Variants in TAF5L observed in about 807,000 individuals in gnomAD.
TAF5L encodes the protein TATA-box binding protein associated factor 5 like.
TAF5L carries 7 observed loss-of-function variants against 51.3 expected under a neutral mutation model. That is an observed-to-expected ratio of 0.14 (90% confidence interval 0.08 to 0.26). The LOEUF (loss-of-function observed/expected upper bound fraction) is 0.26, where lower values mean the gene tolerates loss of function less well. Among genes scored for constraint, TAF5L ranks in the 10% least tolerant of loss-of-function variants. The pLI is 1.00. For synonymous variants in TAF5L, 291 were observed against 308.1 expected, an observed-to-expected ratio of 0.94 and a Z score of 0.58; for missense variants, 575 against 758.9, an observed-to-expected ratio of 0.76 and a Z score of 2.85.
At chr1:229,607,735 T>G (rs1388804040) in intron 3 of TAF5L, 1 of 152,530 alleles carries the variant, frequency 6.6e-6, no homozygotes, top group Non-Finnish European at 1.5e-5. Context: ...GTTTTTATGC[T>G]AGGACTGCTT....
At chr1:229,604,173 A>ATTTTT (rs4006085) in intron 3 of TAF5L, among the ~76,000 whole-genome samples, 1 of 144,936 alleles carries the variant, frequency 6.9e-6, no homozygotes. Context: ...TTCTGGTAGC[A>ATTTTT]TTTTTTTTTT....
intron 4 of TAF5L, among the ~76,000 whole-genome samples, chr1:229,596,048 AG>A (rs1664112827): frequency 6.6e-6 from 1 of 152,192 alleles, no homozygotes; most frequent in South Asian, 2.1e-4. Flanking sequence ...CCAAGGCAGG[AG>A]GATCACTGGA....
intron 3 of TAF5L, among the ~76,000 whole-genome samples, chr1:229,603,540 G>A (rs959210041): frequency 1.3e-5 from 2 of 152,178 alleles, no homozygotes; most frequent in Non-Finnish European, 2.9e-5. Context: ...ACAGGCTGGC[G>A]TGTCCTGTGT....
intron 3 of TAF5L, among the ~76,000 whole-genome samples, chr1:229,604,474 G>C (rs1312515146): frequency 6.6e-6 from 1 of 152,164 alleles, no homozygotes; most frequent in Admixed American, 6.5e-5. Flanking sequence ...TGAATCAATA[G>C]GCAAGGAAGG....
At chr1:229,601,977 T>C in intron 4 of TAF5L, 1 of 1,379,540 alleles carries the variant, frequency 7.2e-7, no homozygotes, top group Non-Finnish European at 9.4e-7. Context: ...ATACTGACCA[T>C]TCATTAATAA....
exon 5 of TAF5L, chr1:229,593,896 T>G (rs1664013174): frequency 6.3e-6 from 1 of 159,480 alleles, no homozygotes; most frequent in African/African-American, 2.4e-5. Context: ...CCCTCCCACC[T>G]GAGGGCTGGA....
chr1:229,601,212 A>G (rs1262411667), intron 4 of TAF5L: 3 of 985,348 alleles, frequency 3.0e-6, no homozygotes, highest in African/African-American at 1.7e-5. Context: ...AAACAGGAAC[A>G]GGAAAACAAT....
intron 3 of TAF5L, chr1:229,606,899 G>C (rs1305666146): frequency 1.0e-6 from 1 of 985,236 alleles, no homozygotes; most frequent in African/African-American, 1.7e-5. Flanking sequence ...AATACATTCA[G>C]GTGGATATAG....
chr1:229,600,971 T>A, intron 4 of TAF5L: 1 of 985,422 alleles, frequency 1.0e-6, no homozygotes, highest in Non-Finnish European at 1.2e-6. Context: ...TCCTCAGTTT[T>A]ATCAGAAGAA....
chr1:229,602,347 C>T lies in TAF5L; in HGVS notation c.820G>A (p.Ala274Thr). The stretch of plus-strand genomic sequence containing the variant: ...AGCTTGCTATCGGGGGAGATTTCTG[C>T]AGTGTTCAACAGCTGCTCTGTGTTA... Residue 274 changes from alanine (A) to threonine (T), a missense_variant, in exon 4 of 5, where the codon GCA (alanine) becomes ACA (threonine). By Grantham distance (58) the Ala-to-Thr change is moderately conservative. Around this residue, in one of 3 missense-constraint regions of TAF5L, gnomAD observed 380 missense variants for 443.7 expected, o/e 0.86. Coordinates refer to ENST00000258281, the Ensembl canonical transcript of TAF5L. The surrounding 1 kb of genome is among the most constrained non-coding windows in gnomAD (Gnocchi z 4.6). 3 of 1,614,152 alleles carry T rather than the reference C, an allele frequency of 1.9e-6. No individual in the cohort carries two copies. The highest frequency in any genetic ancestry group is 2.5e-6 in the Non-Finnish European group (3 of 1,180,034).
At chr1:229,615,364 G>A (rs929553923) in intron 1 of TAF5L, among the ~76,000 whole-genome samples, 1 of 152,290 alleles carries the variant, frequency 6.6e-6, no homozygotes, top group Admixed American at 6.5e-5. Flanking sequence ...TGGGATTACA[G>A]GCGTGAGCCA....
intron 2 of TAF5L, chr1:229,614,093 C>G: frequency 1.5e-6 from 1 of 653,488 alleles, no homozygotes; most frequent in South Asian, 1.8e-5. Context: ...CTGAGAAGTC[C>G]TGAGGAAGGA....
Position 229,602,565 on chromosome 1 carries a change from G to C in TAF5L, c.602C>G (p.Pro201Arg), listed in dbSNP as rs747645128. 1 of 1,614,126 alleles carries C rather than the reference G, an allele frequency of 6.2e-7. No individual in the cohort carries two copies. The highest frequency in any genetic ancestry group is 1.3e-5 in the African/African-American group (1 of 74,946). ...CAGCTGATAGTCTGTTCTCTTGGCA[G>C]GCTGCACGTCAAGATGAATATGTAA... Residue 201 changes from proline to arginine, a missense_variant, in exon 4 of 5, where the codon CCT (proline) becomes CGT (arginine). Pro to Arg is a moderately radical substitution (Grantham distance 103). Coordinates refer to ENST00000258281, the Ensembl canonical transcript of TAF5L. This position sits in a 1 kb window ranked among gnomAD's most constrained non-coding sequence, Gnocchi z 4.6.
In TAF5L at chr1:229,613,495, G is replaced by T. The variant is rs193160725; in HGVS notation, c.142+846C>A. The stretch of plus-strand genomic sequence containing the variant: ...AAACAACTGCAAGTCAAAAATATTT[G>T]GGGAAAAAAACCACCAAAGTCCCAA... On this transcript the variant is annotated intron_variant, in intron 2 of 4. Coordinates refer to ENST00000258281, the Ensembl canonical transcript of TAF5L. 4.4e-3 allele frequency among the ~76,000 whole-genome samples: 672 copies of T among 152,110 alleles called. 2 individuals are homozygous for T. The highest frequency in any genetic ancestry group is 0.017 in the Middle Eastern group (5 of 294).
intron 1 of TAF5L, among the ~76,000 whole-genome samples, chr1:229,624,422 G>C (rs185591800): frequency 6.6e-6 from 1 of 152,236 alleles, no homozygotes; most frequent in Non-Finnish European, 1.5e-5. Context: ...AAAAACTTAG[G>C]ACTACAGGGA....
chr1:229,595,956 C>T (rs1458829106), intron 4 of TAF5L, among the ~76,000 whole-genome samples: 2 of 152,206 alleles, frequency 1.3e-5, no homozygotes, highest in South Asian at 2.1e-4. Flanking sequence ...TGAGCCACCG[C>T]GCCCAGCCTC....
intron 4 of TAF5L, chr1:229,601,314 T>C (rs1664365072): frequency 6.1e-6 from 6 of 985,314 alleles, no homozygotes; most frequent in Middle Eastern, 5.2e-4. Flanking sequence ...TTATTCAACA[T>C]TGTGTAAAGA....
At chr1:229,621,143 T>G (rs946026386) in intron 1 of TAF5L, among the ~76,000 whole-genome samples, 1 of 152,196 alleles carries the variant, frequency 6.6e-6, no homozygotes, top group African/African-American at 2.4e-5. Context: ...CTAGTGCAAC[T>G]AAGGAACTGA....
At chr1:229,624,542 C>T (rs1665352669) in intron 1 of TAF5L, among the ~76,000 whole-genome samples, 1 of 152,024 alleles carries the variant, frequency 6.6e-6, no homozygotes, top group Non-Finnish European at 1.5e-5. Flanking sequence ...TTTTGGGAGG[C>T]TGAGGCGGGA....
Sources: allele counts gnomAD v4.1 joint callset (sites outside exome capture counted in the v4.1 genomes callset), GRCh38; gene constraint gnomAD v4.1.1; regional missense constraint gnomAD v4.1.1; non-coding constraint Gnocchi (gnomAD v3.1); transcripts MANE v1.5; gene names NCBI Gene and HGNC (gene_info 2026-07-23, HGNC 2026-07-21).